Variants in FRMD4B observed in about 807,000 individuals in gnomAD.
FRMD4B encodes FERM domain containing 4B, also known as FERM domain-containing protein 4B.
A neutral mutation model predicts 141.5 loss-of-function variants in FRMD4B; 74 were observed. That is an observed-to-expected ratio of 0.52 (90% CI 0.43 to 0.63). FRMD4B has a LOEUF of 0.63. FRMD4B is among the 30% of genes least tolerant of loss of function. The probability of loss-of-function intolerance (pLI) is 0.00; values close to 1 mark genes in which losing one functional copy is unlikely to be tolerated. For synonymous variants in FRMD4B, 506 were observed against 467.9 expected, an observed-to-expected ratio of 1.08 and a Z score of -1.05; for missense variants, 1,366 against 1,253.4, an observed-to-expected ratio of 1.09 and a Z score of -1.36.
intron 4 of FRMD4B, among the ~76,000 whole-genome samples, chr3:69,289,445 C>T (rs1208526667): frequency 6.6e-6 from 1 of 152,210 alleles, no homozygotes; most frequent in Non-Finnish European, 1.5e-5. Context: ...ACTAGCTGCA[C>T]TGGGCACATT....
intron 1 of FRMD4B, among the ~76,000 whole-genome samples, chr3:69,441,948 G>A (rs1705349632): frequency 6.6e-6 from 1 of 152,146 alleles, no homozygotes; most frequent in South Asian, 2.1e-4. Context: ...CAGTGAAAGT[G>A]CCACTGTCTA....
At chr3:69,330,161 T>C (rs919673483) in intron 1 of FRMD4B, among the ~76,000 whole-genome samples, 5 of 151,974 alleles carry the variant, frequency 3.3e-5, no homozygotes, top group African/African-American at 1.2e-4. Flanking sequence ...TCGACAAATA[T>C]TTGTGGAATG....
chr3:69,456,284 AAGTT>A (rs1238532494), intron 1 of FRMD4B, among the ~76,000 whole-genome samples: 1 of 152,200 alleles, frequency 6.6e-6, no homozygotes, highest in Non-Finnish European at 1.5e-5. Context: ...GTAGAAGTGT[AAGTT>A]GATGTAAGTT....
Position 69,328,984 on chromosome 3 carries a change from G to T in FRMD4B, c.163-15467C>A, listed in dbSNP as rs374245125. Among the ~76,000 whole-genome samples the T allele has an allele frequency of 2.6e-5, 4 of 152,210 alleles. No homozygotes were observed. The East Asian group carries it at 5.8e-4, about 22-fold the overall frequency. On this transcript the variant is annotated intron_variant, in intron 1 of 22. Transcript: ENST00000398540. Reference sequence around the variant, plus strand: ...GTTTCTTTACTTCTCTAATAAACTTGCTTTCACTTTACTCTATGGACTCAT... The same window carrying T: ...GTTTCTTTACTTCTCTAATAAACTTTCTTTCACTTTACTCTATGGACTCAT...
At chr3:69,196,223 G>A in intron 14 of FRMD4B, 32 bp downstream of exon 14, 1 of 1,523,854 alleles carries the variant, frequency 6.6e-7, no homozygotes, top group Non-Finnish European at 8.8e-7. Context: ...AAATAAAGAT[G>A]GCTTGCACGT....
intron 1 of FRMD4B, among the ~76,000 whole-genome samples, chr3:69,495,490 A>G (rs560105924): frequency 6.6e-6 from 1 of 152,240 alleles, no homozygotes; most frequent in South Asian, 2.1e-4. Context: ...GTCACTCTCT[A>G]TCGTTGGCTT....
chr3:69,296,257 C>T (rs1247387581), intron 4 of FRMD4B, among the ~76,000 whole-genome samples: 1 of 152,138 alleles, frequency 6.6e-6, no homozygotes, highest in African/African-American at 2.4e-5. Flanking sequence ...GAAACACAGG[C>T]ACACCCACCA....
intron 1 of FRMD4B, among the ~76,000 whole-genome samples, chr3:69,363,789 G>T (rs574005154): frequency 1.3e-5 from 2 of 152,276 alleles, no homozygotes; most frequent in African/African-American, 4.8e-5. Flanking sequence ...CCTGGCAGAG[G>T]AATAAGGTCA....
intron 1 of FRMD4B, among the ~76,000 whole-genome samples, chr3:69,351,331 G>C (rs902319770): frequency 2.0e-5 from 3 of 152,166 alleles, no homozygotes; most frequent in African/African-American, 7.2e-5. Context: ...AGGGACAAAC[G>C]TAAGTCTCAT....
chr3:69,479,901 C>T (rs4440128), intron 1 of FRMD4B, among the ~76,000 whole-genome samples: 22 of 151,698 alleles, frequency 1.5e-4, no homozygotes, highest in Non-Finnish European at 1.9e-4. Context: ...AGGCTTTGTT[C>T]GTTTCTTTTT....
intron 7 of FRMD4B, among the ~76,000 whole-genome samples, chr3:69,241,865 T>C (rs2093386734): frequency 6.8e-6 from 1 of 146,290 alleles, no homozygotes; most frequent in Non-Finnish European, 1.5e-5. Flanking sequence ...CGAGGATCCA[T>C]CTCAAAAAAA....
chr3:69,359,192 AGAG>A (rs1703405317), intron 1 of FRMD4B, among the ~76,000 whole-genome samples: 1 of 152,184 alleles, frequency 6.6e-6, no homozygotes, highest in Non-Finnish European at 1.5e-5. Context: ...ATTTCAGACA[AGAG>A]TAAGACTTAG....
rs982336827 is a variant in FRMD4B at position 69,529,586 on chromosome 3, A to C, written c.-129+12620T>G. ...TCCACACCCATCCTCAAAGGGCAGGAGCCTTATCCCTGCCCTCCACTGCAC... is the reference window on the plus strand; with the variant it reads ...TCCACACCCATCCTCAAAGGGCAGGCGCCTTATCCCTGCCCTCCACTGCAC... On this transcript the variant is annotated intron_variant, in intron 1 of 5. Coordinates refer to the FRMD4B transcript ENST00000459638. 2.0e-5 allele frequency among the ~76,000 whole-genome samples: 3 copies of C among 152,124 alleles called. No homozygotes were observed. The East Asian group carries it at 5.8e-4, about 29-fold the overall frequency.
chr3:69,389,158 C>T (rs1333640536), upstream of FRMD4B, among the ~76,000 whole-genome samples: 2 of 151,810 alleles, frequency 1.3e-5, no homozygotes. Context: ...TTCAGCCTCC[C>T]GAGTAGCTGG....
intron 1 of FRMD4B, among the ~76,000 whole-genome samples, chr3:69,435,562 T>C (rs1168833622): frequency 6.6e-6 from 1 of 152,196 alleles, no homozygotes; most frequent in Non-Finnish European, 1.5e-5. Flanking sequence ...CAGAGTTGAA[T>C]AGTTGTAACA....
chr3:69,228,471 G>T (rs2093275366), intron 7 of FRMD4B: 1 of 456,330 alleles, frequency 2.2e-6, no homozygotes, highest in African/African-American at 2.0e-5. Flanking sequence ...GGAGAACATT[G>T]CCCATGTTTC....
intron 2 of FRMD4B, among the ~76,000 whole-genome samples, chr3:69,414,708 G>T (rs1053020169): frequency 5.3e-5 from 8 of 152,198 alleles, no homozygotes; most frequent in South Asian, 2.1e-4. Context: ...GAGGTCAAGG[G>T]TGTGCCCAGA....
intron 1 of FRMD4B, among the ~76,000 whole-genome samples, chr3:69,342,925 G>T (rs1702786313): frequency 6.6e-6 from 1 of 152,078 alleles, no homozygotes; most frequent in Non-Finnish European, 1.5e-5. Flanking sequence ...GGAGGGATAG[G>T]GAGAAATTTG....
intron 1 of FRMD4B, among the ~76,000 whole-genome samples, chr3:69,349,513 C>T (rs900436996): frequency 6.6e-6 from 1 of 152,096 alleles, no homozygotes; most frequent in Non-Finnish European, 1.5e-5. Flanking sequence ...CCCGCATTGC[C>T]AAGTCAATCC....
Sources: gnomAD v4.1 joint callset for allele counts (sites outside exome capture counted in the v4.1 genomes callset) on GRCh38, gnomAD v4.1.1 for gene constraint, MANE v1.5 for transcripts, NCBI Gene and HGNC (gene_info 2026-07-23, HGNC 2026-07-21) for gene names.